The following FLT1 variants were observed in gnomAD, a reference collection of about 807,000 sequenced individuals.
FLT1 encodes fms related receptor tyrosine kinase 1, also known as vascular endothelial growth factor receptor 1.
Under a neutral mutation model 156.3 loss-of-function variants are expected in FLT1, and 49 were observed. The observed-to-expected ratio is 0.31, with a 90% CI of 0.25 to 0.40. FLT1 has a LOEUF of 0.40. FLT1 is among the 10% of genes least tolerant of loss of function. The probability of loss-of-function intolerance (pLI) is 1.00; values close to 1 mark genes in which losing one functional copy is unlikely to be tolerated. For missense variants in FLT1, 1,322 were observed against 1,637.2 expected (o/e 0.81, Z 3.32); for synonymous variants, 594 against 583.8 (o/e 1.02, Z -0.25).
intron 10 of FLT1, among the ~76,000 whole-genome samples, chr13:28,426,772 A>G (rs1877365057): frequency 6.6e-6 from 1 of 152,208 alleles, no homozygotes; most frequent in African/African-American, 2.4e-5. Context: ...TTGGATCATA[A>G]CCAAAGAATA....
chr13:28,393,779 A>T (rs1450686210), intron 12 of FLT1, among the ~76,000 whole-genome samples: 1 of 151,884 alleles, frequency 6.6e-6, no homozygotes, highest in Non-Finnish European at 1.5e-5. Context: ...TAGAGACAGG[A>T]TTTTGCCATG....
rs983451611 is a variant in FLT1, at chr13:28,427,588, C to G, written c.1276+164G>C. ...CATGCCGCCTATGGAATACAACAAA[C>G]AAACACGAGATTGTTAAGATGGGAA... On this transcript the variant is annotated intron_variant, in intron 9 of 29. Coordinates refer to ENST00000282397, the MANE Select transcript of FLT1 (RefSeq NM_002019.4). Among the ~76,000 whole-genome samples the G allele has an allele frequency of 3.9e-5, 6 of 152,218 alleles. No individual in the cohort carries two copies. In the East Asian group the frequency reaches 9.6e-4, roughly 24 times the overall value.
chr13:28,432,854 AAT>A (rs1163431747), intron 6 of FLT1, among the ~76,000 whole-genome samples: 1 of 152,224 alleles, frequency 6.6e-6, no homozygotes, highest in Non-Finnish European at 1.5e-5. Flanking sequence ...AAACCCAGAA[AAT>A]ATTGCTACAA....
rs1871346752 is a variant in FLT1, at chr13:28,319,406, C to G, written c.3286+17G>C. ...TTATTTCTGGGCTGTTTGATTTCTT[C>G]CTTCTCCCAAATTTACCTAAGGAGA... On this transcript the variant is annotated intron_variant, in intron 24 of 29. Transcript: ENST00000282397. The G allele has an allele frequency of 3.3e-6, 5 of 1,514,742 alleles. No homozygotes were observed. The highest frequency in any genetic ancestry group is 3.7e-6 in the Non-Finnish European group (4 of 1,090,518). 93.8% of individuals were successfully genotyped at this position (1,514,742 alleles called of 1,614,324 possible).
intron 14 of FLT1, among the ~76,000 whole-genome samples, chr13:28,383,616 C>T (rs921742829): frequency 9.3e-5 from 14 of 151,226 alleles, no homozygotes; most frequent in African/African-American, 2.7e-4. Flanking sequence ...GAGCTGAGAG[C>T]GCACCACTGC....
Position 28,466,999 on chromosome 13 carries a change from G to T in FLT1, c.292C>A (p.Gln98Lys), listed in dbSNP as rs1370351687. The change falls in exon 3 of 30, where the codon CAA becomes AAA. Residue 98 changes from glutamine (Q) to lysine (K), a missense_variant. Physicochemically the swap from Gln to Lys is moderately conservative, Grantham distance 53. This residue lies in a region of FLT1 where 991 missense variants were observed against 1,254.8 expected (regional missense o/e 0.79). Coordinates refer to ENST00000282397, the MANE Select transcript of FLT1 (RefSeq NM_002019.4). ...CTGTAGAAGCCAGTGTGGTTTGCTT[G>T]AGCTGTGTTCAAGGTTAAAGTACTG... ...FCSTLTLNTAQANHTGFYSCK... is the reference protein window; with the variant it reads ...FCSTLTLNTAKANHTGFYSCK... 6.2e-7 allele frequency: 1 copy of T among 1,614,124 alleles called. No homozygotes were observed. Among genetic ancestry groups the T allele is most frequent in the African/African-American group, 1.3e-5 (1 of 75,054 alleles).
In FLT1 at chr13:28,339,187, G is replaced by T. The variant is rs752794872; in HGVS notation, c.2469C>A (p.Ala823=). The part of the protein sequence containing the change: ...LPYDASKWEF[A]RERLKLGKSL... ...TCTTACCCAGTTTAAGTCTCTCCCGGGCAAACTCCCACTTGCTGGCATCAT... is the reference window on the plus strand; with the variant it reads ...TCTTACCCAGTTTAAGTCTCTCCCGTGCAAACTCCCACTTGCTGGCATCAT... Residue 823 remains alanine (A), a synonymous_variant, in exon 17 of 30, where the codon GCC becomes GCA. Coordinates refer to ENST00000282397, the MANE Select transcript of FLT1 (RefSeq NM_002019.4). The T allele has an allele frequency of 1.9e-6, 3 of 1,614,032 alleles. No individual in the cohort carries two copies. The highest frequency in any genetic ancestry group is 1.7e-6 in the Non-Finnish European group (2 of 1,179,988).
intron 17 of FLT1, 74 bp downstream of exon 17, chr13:28,339,094 C>T (rs1452096385): frequency 1.4e-6 from 2 of 1,451,128 alleles, no homozygotes; most frequent in Non-Finnish European, 1.9e-6. Context: ...ACTTTCGCAT[C>T]TCTCAAAGCA....
Position 28,389,833 on chromosome 13 carries a change from C to T in FLT1, c.1932G>A (p.Gly644=). Residue 644 remains glycine (G), a synonymous_variant, in exon 13 of 30, where the codon GGG becomes GGA. Coordinates refer to ENST00000282397, the MANE Select transcript of FLT1 (RefSeq NM_002019.4). ...YACRARNVYT[G]EEILQKKEIT... ...TTTCTTTCTTCTGGAGGATTTCTTC[C>T]CCTGTGTATACATTCCTGGCTCTGC... The T allele has an allele frequency of 6.2e-7, 1 of 1,614,150 alleles. No homozygotes were observed. The highest frequency in any genetic ancestry group is 1.7e-5 in the Admixed American group (1 of 60,024).
intron 1 of FLT1, among the ~76,000 whole-genome samples, chr13:28,474,401 G>A (rs1395500018): frequency 1.3e-5 from 2 of 152,026 alleles, no homozygotes; most frequent in Non-Finnish European, 2.9e-5. Flanking sequence ...ATTTCAGTGA[G>A]CTGAGATTGC....
intron 18 of FLT1, among the ~76,000 whole-genome samples, chr13:28,332,323 G>T (rs1282435163): frequency 1.3e-5 from 2 of 152,096 alleles, no homozygotes; most frequent in Admixed American, 1.3e-4. Context: ...CCAGGTGCTG[G>T]TTCAGCTTGC....
chr13:28,323,081 G>A, intron 20 of FLT1, 135 bp from the exon 21 acceptor site: 1 of 914,914 alleles, frequency 1.1e-6, no homozygotes, highest in Non-Finnish European at 1.8e-6. Context: ...AACTAGCACA[G>A]GGGCCCTACG....
At chr13:28,358,964 A>G (rs1873009963) in intron 14 of FLT1, among the ~76,000 whole-genome samples, 1 of 152,184 alleles carries the variant, frequency 6.6e-6, no homozygotes, top group Non-Finnish European at 1.5e-5. Context: ...GAGAAATGGC[A>G]TGATGTGGAA....
At chr13:28,403,161 G>GT (rs1014007056) in intron 11 of FLT1, among the ~76,000 whole-genome samples, 19 of 151,826 alleles carry the variant, frequency 1.3e-4, no homozygotes, top group Admixed American at 3.3e-4. Context: ...CATTAGTTCT[G>GT]TTTTTTTTGG....
chr13:28,312,080 G>T lies in FLT1; in HGVS notation c.3405C>A (p.Asp1135Glu). 1 of 1,612,852 alleles carries T rather than the reference G, an allele frequency of 6.2e-7. No homozygotes were observed. Among genetic ancestry groups the T allele is most frequent in the Non-Finnish European group, 8.5e-7 (1 of 1,178,890 alleles). The change falls in exon 26 of 30, where the codon GAC (aspartate) becomes GAA (glutamate). Residue 1135 changes from aspartate to glutamate, a missense_variant. By Grantham distance (45) the Asp-to-Glu change is conservative. Around this residue, in one of 3 missense-constraint regions of FLT1, gnomAD observed 329 missense variants for 366.2 expected, o/e 0.90. Transcript: ENST00000282397. Reference protein sequence around the residue: ...STPEIYQIMLDCWHRDPKERP... With the variant: ...STPEIYQIMLECWHRDPKERP... Reference sequence around the variant, plus strand: ...TTTCTTTTGGGTCTCTGTGCCAGCAGTCCAGCATGATCTGATAGCTGGTGG... The same window carrying T: ...TTTCTTTTGGGTCTCTGTGCCAGCATTCCAGCATGATCTGATAGCTGGTGG...
chr13:28,330,691 CTTCTTTTTAT>C (rs1317398061), intron 18 of FLT1, among the ~76,000 whole-genome samples: 4 of 149,892 alleles, frequency 2.7e-5, no homozygotes, highest in South Asian at 2.1e-4. Flanking sequence ...GACTTTTTCT[CTTCTTTTTAT>C]TTCTTTTTAT....
At chr13:28,303,566 T>C (rs2138802553) in intron 29 of FLT1, among the ~76,000 whole-genome samples, 198 bp from the exon 30 acceptor site, 1 of 144,170 alleles carries the variant, frequency 6.9e-6, no homozygotes, top group East Asian at 2.4e-4. Flanking sequence ...AACAGCTTGG[T>C]GTCATTGGGC....
At position 28,467,780 on chromosome 13, in the gene FLT1, C is replaced by G. The variant is rs573835337; in HGVS notation, c.65-163G>C. Among the ~76,000 whole-genome samples the G allele has an allele frequency of 2.1e-3, 319 of 152,038 alleles. 1 individual carries two copies. Among genetic ancestry groups the G allele is most frequent in the Non-Finnish European group, 3.6e-3 (246 of 67,998 alleles). ...AAAAGATACACTAATACAAATTTCTCTTAATTCACAAATTTTTTCTAGCTC... is the reference window on the plus strand; with the variant it reads ...AAAAGATACACTAATACAAATTTCTGTTAATTCACAAATTTTTTCTAGCTC... On this transcript the variant is annotated intron_variant, in intron 1 of 29. Coordinates refer to ENST00000282397, the MANE Select transcript of FLT1 (RefSeq NM_002019.4).
chr13:28,375,066 T>TTTTACA (rs1873785129), intron 14 of FLT1, among the ~76,000 whole-genome samples: 1 of 152,188 alleles, frequency 6.6e-6, no homozygotes, highest in African/African-American at 2.4e-5. Context: ...TGCTGTAAAA[T>TTTTACA]GCATCCAGGA....
Sources: gnomAD v4.1 joint callset for allele counts (sites outside exome capture counted in the v4.1 genomes callset) on GRCh38, gnomAD v4.1.1 for gene constraint, gnomAD v4.1.1 regional missense constraint, MANE v1.5 for transcripts, NCBI Gene and HGNC (gene_info 2026-07-23, HGNC 2026-07-21) for gene names.